Variants in TRABD2B observed in about 807,000 individuals in gnomAD.
TRABD2B encodes the protein metalloprotease TIKI2.
A neutral mutation model predicts 40.1 loss-of-function variants in TRABD2B; 14 were observed. The observed-to-expected ratio is 0.35, with a 90% CI of 0.23 to 0.55. The LOEUF is 0.55. Among genes scored for constraint, TRABD2B ranks in the 20% least tolerant of loss-of-function variants. TRABD2B has a pLI of 0.90. For missense variants in TRABD2B, 541 were observed against 648.6 expected (o/e 0.83, Z 1.80); for synonymous variants, 263 against 277.0 (o/e 0.95, Z 0.50).
At position 47,859,627 on chromosome 1, in the gene TRABD2B, T is replaced by C. The variant is rs575988648; in HGVS notation, c.667-58008A>G. Among the ~76,000 whole-genome samples the C allele has an allele frequency of 3.3e-5, 5 of 152,308 alleles. No individual in the cohort carries two copies. The South Asian group carries it at 8.3e-4, about 25-fold the overall frequency. ...CACCAGCAGGCATGTGGCCAGAGCA[T>C]GCCTTAGCTGCTGCTCATCGTGGTG... On this transcript the variant is annotated intron_variant, in intron 2 of 6. Transcript: ENST00000606738.
chr1:47,941,063 C>T (rs1241664342), intron 2 of TRABD2B, among the ~76,000 whole-genome samples: 2 of 152,138 alleles, frequency 1.3e-5, no homozygotes, highest in African/African-American at 2.4e-5. Flanking sequence ...GTGCAGCCTT[C>T]CCAGACTTAC....
chr1:47,801,524 G>A lies in TRABD2B; in HGVS notation c.762C>T (p.His254=). The part of the protein sequence containing the change: ...ASYTTEDLIK[H]YNCGDLSAVI... The stretch of plus-strand genomic sequence containing the variant: ...CTGCGCTGAGGTCTCCGCAGTTGTA[G>A]TGCTTGATGAGGTCCTCCGTGGTGT... The change falls in exon 3 of 7, where the codon CAC becomes CAT. Residue 254 remains histidine (H), a synonymous_variant. Transcript: ENST00000606738. 6.5e-7 allele frequency: 1 copy of A among 1,536,134 alleles called. No individual in the cohort carries two copies.
intron 2 of TRABD2B, among the ~76,000 whole-genome samples, chr1:47,889,342 T>C (rs1434476479): frequency 2.0e-5 from 3 of 152,238 alleles, no homozygotes; most frequent in African/African-American, 4.8e-5. Context: ...GCTTTCTTAT[T>C]TGTCAATTGA....
At chr1:47,846,894 A>ACACACACACACACACG (rs1439715341) in intron 2 of TRABD2B, among the ~76,000 whole-genome samples, 10,876 of 145,434 alleles carry the variant, frequency 0.075, 649 homozygotes, top group Non-Finnish European at 0.11. Context: ...ACACACACAC[A>ACACACACACACACACG]CAAATGAGGG....
intron 2 of TRABD2B, among the ~76,000 whole-genome samples, chr1:47,936,910 TCAC>T (rs1645114572): frequency 7.1e-6 from 1 of 140,992 alleles, no homozygotes; most frequent in African/African-American, 2.7e-5. Flanking sequence ...ATCATGATCA[TCAC>T]CATCACCACC....
intron 2 of TRABD2B, among the ~76,000 whole-genome samples, chr1:47,897,689 C>A (rs1215204287): frequency 1.3e-5 from 2 of 152,176 alleles, no homozygotes; most frequent in African/African-American, 4.8e-5. Context: ...CCCTACCCCT[C>A]ATTTGCACCA....
intron 2 of TRABD2B, among the ~76,000 whole-genome samples, chr1:47,851,158 G>C (rs1645545144): frequency 6.6e-6 from 1 of 152,114 alleles, no homozygotes; most frequent in African/African-American, 2.4e-5. Flanking sequence ...GGCAGAGTCT[G>C]GGCTCACTGA....
rs182446830 is a variant in TRABD2B at position 47,820,821 on chromosome 1, C to A, written c.667-19202G>T. Among the ~76,000 whole-genome samples, 9 of 134,500 alleles carry A rather than the reference C, an allele frequency of 6.7e-5. No individual in the cohort carries two copies. In the East Asian group the frequency reaches 1.9e-3, roughly 28 times the overall value. The allele number at this position is 134,500 out of a possible 152,430, so 88.2% of individuals were successfully genotyped here. ...ACACACACACACACACACACACACACAAAATCTTACTTACTCTTCCCATAA... is the reference window on the plus strand; with the variant it reads ...ACACACACACACACACACACACACAAAAAATCTTACTTACTCTTCCCATAA... On this transcript the variant is annotated intron_variant, in intron 2 of 6. Coordinates refer to ENST00000606738, the MANE Select transcript of TRABD2B (RefSeq NM_001194986.2).
rs1557704673 is a variant in TRABD2B at position 47,997,283 on chromosome 1, C to CT, written c.-495_-494insA. ...GCAGGGGTGGGGGGCGGCTCTGGGG[C>CT]GACCGGCTGCCCCCGAGCCCGGCTC... On this transcript the variant is annotated 5_prime_UTR_variant, in exon 1 of 7. Transcript: ENST00000606738. 3 of 932,590 alleles carry CT rather than the reference C, an allele frequency of 3.2e-6. No individual in the cohort carries two copies. The African/African-American group carries it at 5.5e-5, about 17-fold the overall frequency. 57.8% of individuals were successfully genotyped at this position (932,590 alleles called of 1,614,324 possible).
At position 47,880,047 on chromosome 1, in the gene TRABD2B, C is replaced by T. The variant is rs548117303; in HGVS notation, c.667-78428G>A. On this transcript the variant is annotated intron_variant, in intron 2 of 6. Coordinates refer to ENST00000606738, the MANE Select transcript of TRABD2B (RefSeq NM_001194986.2). ...AATACAGGCCAGGAGCAGCGGCTCA[C>T]GCCTGTAATCCCGGCATTTTGGAAG... 1.5e-4 allele frequency among the ~76,000 whole-genome samples: 23 copies of T among 152,356 alleles called. No homozygotes were observed. The South Asian group carries it at 3.1e-3, about 21-fold the overall frequency.
At chr1:47,887,716 C>A (rs954848331) in intron 2 of TRABD2B, among the ~76,000 whole-genome samples, 1 of 152,142 alleles carries the variant, frequency 6.6e-6, no homozygotes, top group Admixed American at 6.5e-5. Flanking sequence ...CAGCCTGCTT[C>A]CTATTAGCGC....
chr1:47,824,576 A>T (rs1363868624), intron 2 of TRABD2B, among the ~76,000 whole-genome samples: 1 of 152,210 alleles, frequency 6.6e-6, no homozygotes, highest in Non-Finnish European at 1.5e-5. Flanking sequence ...TGTCTGCCTG[A>T]CTTCAAAGCC....
intron 2 of TRABD2B, among the ~76,000 whole-genome samples, chr1:47,845,119 G>C (rs2124499908): frequency 6.6e-6 from 1 of 152,214 alleles, no homozygotes; most frequent in Non-Finnish European, 1.5e-5. Context: ...CTCGTGACCA[G>C]CTTTGGCCCC....
At chr1:47,943,414 A>G (rs1645214099) in intron 2 of TRABD2B, among the ~76,000 whole-genome samples, 1 of 152,242 alleles carries the variant, frequency 6.6e-6, no homozygotes, top group African/African-American at 2.4e-5. Flanking sequence ...GGTTGAAAAA[A>G]GCACAAATAA....
At chr1:47,911,237 G>T (rs943107471) in intron 2 of TRABD2B, among the ~76,000 whole-genome samples, 1 of 152,218 alleles carries the variant, frequency 6.6e-6, no homozygotes, top group African/African-American at 2.4e-5. Flanking sequence ...CACCTCAGCA[G>T]GGTGTAATGT....
chr1:47,947,758 G>C (rs1449056452), intron 2 of TRABD2B, among the ~76,000 whole-genome samples: 1 of 152,198 alleles, frequency 6.6e-6, no homozygotes, highest in Non-Finnish European at 1.5e-5. Flanking sequence ...CACTAACACA[G>C]GAATAGCTCA....
chr1:47,801,682 C>A, intron 2 of TRABD2B, 63 bp from the exon 3 acceptor site: 2 of 1,499,580 alleles, frequency 1.3e-6, no homozygotes, highest in South Asian at 1.2e-5. Context: ...AGCTCTAGGA[C>A]TGACCCTCCT....
At chr1:47,852,787 C>A (rs1643834391) in intron 2 of TRABD2B, among the ~76,000 whole-genome samples, 1 of 152,038 alleles carries the variant, frequency 6.6e-6, no homozygotes, top group African/African-American at 2.4e-5. Context: ...TTCATCCAAG[C>A]TCATTTTCCC....
chr1:47,775,294 G>A lies in TRABD2B; in HGVS notation c.1225C>T (p.Leu409Phe), dbSNP rs1644429633. 1 of 1,256,026 alleles carries A rather than the reference G, an allele frequency of 8.0e-7. No homozygotes were observed. The highest frequency in any genetic ancestry group is 1.0e-6 in the Non-Finnish European group (1 of 997,616). 77.8% of individuals were successfully genotyped at this position (1,256,026 alleles called of 1,614,324 possible). ...TGGCTGAGGCTGTCGGGGAGCAGGAGGTGTGGGGACAGGGCTGGATCCTCA... is the reference window on the plus strand; with the variant it reads ...TGGCTGAGGCTGTCGGGGAGCAGGAAGTGTGGGGACAGGGCTGGATCCTCA... ...EDEDPALSPH[L>F]LLPDSLSQLE... The change falls in exon 6 of 7, where the codon CTC (leucine) becomes TTC (phenylalanine). Residue 409 changes from leucine to phenylalanine, a missense_variant. Around this residue, in one of 2 missense-constraint regions of TRABD2B, gnomAD observed 172 missense variants for 155.8 expected, o/e 1.10. Transcript: ENST00000606738.
Sources: allele counts gnomAD v4.1 joint callset (sites outside exome capture counted in the v4.1 genomes callset), GRCh38; gene constraint gnomAD v4.1.1; regional missense constraint gnomAD v4.1.1; transcripts MANE v1.5; gene names NCBI Gene and HGNC (gene_info 2026-07-23, HGNC 2026-07-21).